Variants in RUNX1 observed in about 807,000 individuals in gnomAD.
RUNX1 encodes runt-related transcription factor 1.
A neutral mutation model predicts 42.8 loss-of-function variants in RUNX1; 19 were observed. The observed-to-expected ratio is 0.44, with a 90% CI of 0.31 to 0.65. The LOEUF (loss-of-function observed/expected upper bound fraction) is 0.65. RUNX1 is among the 30% of genes least tolerant of loss of function. The pLI is 0.07. For missense variants in RUNX1, 528 were observed against 672.0 expected, an observed-to-expected ratio of 0.79 and a Z score of 2.37; for synonymous variants, 271 against 289.4, an observed-to-expected ratio of 0.94 and a Z score of 0.64.
At chr21:34,922,285 G>C (rs1313815961) in intron 2 of RUNX1, among the ~76,000 whole-genome samples, 5 of 152,170 alleles carry the variant, frequency 3.3e-5, no homozygotes, top group Non-Finnish European at 1.5e-5. Flanking sequence ...TTTGGTAGCG[G>C]TGGAGAGACC....
chr21:35,026,384 T>A (rs1156930470), intron 2 of RUNX1, among the ~76,000 whole-genome samples: 1 of 152,204 alleles, frequency 6.6e-6, no homozygotes, highest in African/African-American at 2.4e-5. Flanking sequence ...TGATAATTAG[T>A]TATTCACCGC....
intron 4 of RUNX1, among the ~76,000 whole-genome samples, chr21:34,881,138 A>G (rs1303617638): frequency 1.3e-5 from 2 of 152,196 alleles, no homozygotes; most frequent in African/African-American, 4.8e-5. Context: ...CCTGAATACA[A>G]GCATCTCTTC....
At chr21:34,896,846 T>A (rs2058134735) in intron 2 of RUNX1, among the ~76,000 whole-genome samples, 1 of 152,122 alleles carries the variant, frequency 6.6e-6, no homozygotes, top group African/African-American at 2.4e-5. Context: ...GAGCTTCAGT[T>A]GAGTGGCAGC....
At chr21:34,945,830 C>T (rs1420275028) in intron 2 of RUNX1, among the ~76,000 whole-genome samples, 2 of 152,154 alleles carry the variant, frequency 1.3e-5, no homozygotes, top group African/African-American at 4.8e-5. Flanking sequence ...TGTGAACTAT[C>T]GAAGCTCTTT....
At chr21:34,942,614 G>T (rs2058535950) in intron 2 of RUNX1, among the ~76,000 whole-genome samples, 1 of 152,228 alleles carries the variant, frequency 6.6e-6, no homozygotes, top group South Asian at 2.1e-4. Flanking sequence ...GTGAATATGA[G>T]TGATCCTTTG....
rs575491143 is a variant in RUNX1, at chr21:34,933,356, C to T, written c.59-40393G>A. 2.6e-5 allele frequency among the ~76,000 whole-genome samples: 4 copies of T among 152,318 alleles called. No individual in the cohort carries two copies. The East Asian group carries it at 7.7e-4, about 29-fold the overall frequency. ...ATGTCTACATAACTAGGTCAAATTA[C>T]ATCCAGAGCTAGGCTGTGTTGCTCT... On this transcript the variant is annotated intron_variant, in intron 2 of 8. Coordinates refer to ENST00000675419, the MANE Select transcript of RUNX1 (RefSeq NM_001754.5).
chr21:34,886,780 G>C lies in RUNX1; in HGVS notation c.351+63C>G, dbSNP rs1370265400. ...CCCCGCCCGCCTGGCCGCTGCCCTCGCGGATCTCCCCCGGCCTCGCCGGCC... is the reference window on the plus strand; with the variant it reads ...CCCCGCCCGCCTGGCCGCTGCCCTCCCGGATCTCCCCCGGCCTCGCCGGCC... On this transcript the variant is annotated intron_variant, in intron 4 of 8. Coordinates refer to ENST00000675419, the MANE Select transcript of RUNX1 (RefSeq NM_001754.5). The C allele has an allele frequency of 1.9e-6, 3 of 1,608,772 alleles. No homozygotes were observed. In the African/African-American group the frequency reaches 4.0e-5, roughly 22 times the overall value.
intron 7 of RUNX1, among the ~76,000 whole-genome samples, chr21:34,801,693 G>A (rs1215804137): frequency 6.6e-6 from 1 of 152,294 alleles, no homozygotes; most frequent in Non-Finnish European, 1.5e-5. Flanking sequence ...CATTGCCAGT[G>A]GTGGGCCAGA....
At position 34,859,454 on chromosome 21, in the gene RUNX1, C is replaced by T. The variant is rs746204122; in HGVS notation, c.613+20G>A. ...TGTACCAGCCTGGAGGGTGTACCAG[C>T]CCCAAGTGGATGCACTTACTTCGAG... is the stretch of plus-strand genomic sequence containing the variant. On this transcript the variant is annotated intron_variant, in intron 6 of 8. Transcript: ENST00000675419. 6.5e-7 allele frequency: 1 copy of T among 1,540,762 alleles called. No homozygotes were observed. Among genetic ancestry groups the T allele is most frequent in the African/African-American group, 1.4e-5 (1 of 73,358 alleles).
intron 7 of RUNX1, among the ~76,000 whole-genome samples, chr21:34,808,658 C>G (rs2056716755): frequency 6.6e-6 from 1 of 152,140 alleles, no homozygotes; most frequent in Non-Finnish European, 1.5e-5. Flanking sequence ...GCTTTGAGAT[C>G]CACAGATGAA....
chr21:34,796,957 G>A (rs1338786104), intron 8 of RUNX1, among the ~76,000 whole-genome samples: 1 of 152,250 alleles, frequency 6.6e-6, no homozygotes, highest in Non-Finnish European at 1.5e-5. Flanking sequence ...AAGAGGGGCA[G>A]AGCACAAAGC....
intron 2 of RUNX1, among the ~76,000 whole-genome samples, chr21:34,981,723 C>T (rs114551947): frequency 0.011 from 1,694 of 152,198 alleles, 37 homozygotes; most frequent in African/African-American, 0.039. Flanking sequence ...ATCCATTTTG[C>T]TTGATTATTC....
intron 2 of RUNX1, among the ~76,000 whole-genome samples, chr21:34,962,847 A>G (rs1471039392): frequency 1.3e-5 from 2 of 152,202 alleles, no homozygotes; most frequent in African/African-American, 2.4e-5. Context: ...CACTGTCCTG[A>G]CAACCTTGGT....
At chr21:34,945,421 C>T (rs2058557154) in intron 2 of RUNX1, among the ~76,000 whole-genome samples, 1 of 152,188 alleles carries the variant, frequency 6.6e-6, no homozygotes, top group Non-Finnish European at 1.5e-5. Flanking sequence ...TTTTCCCCTA[C>T]CAACTCCTCC....
intron 5 of RUNX1, among the ~76,000 whole-genome samples, chr21:34,878,368 T>C (rs2057847592): frequency 1.3e-5 from 2 of 149,324 alleles, no homozygotes; most frequent in South Asian, 2.1e-4. Context: ...AAAATATATA[T>C]ATATATATAC....
intron 6 of RUNX1, among the ~76,000 whole-genome samples, chr21:34,858,328 G>C (rs1006794721): frequency 6.6e-6 from 1 of 152,154 alleles, no homozygotes; most frequent in Non-Finnish European, 1.5e-5. Flanking sequence ...GAGGGGACTG[G>C]AGCAGTAGCC....
intron 2 of RUNX1, among the ~76,000 whole-genome samples, chr21:34,977,307 T>C (rs998024819): frequency 6.6e-6 from 1 of 152,236 alleles, no homozygotes; most frequent in Non-Finnish European, 1.5e-5. Context: ...AATATAATAA[T>C]AATTGGTGAA....
At chr21:34,808,591 G>C (rs985197724) in intron 7 of RUNX1, among the ~76,000 whole-genome samples, 1 of 152,136 alleles carries the variant, frequency 6.6e-6, no homozygotes, top group African/African-American at 2.4e-5. Flanking sequence ...CTAAAAATGG[G>C]GGTAACCAGG....
At chr21:34,794,960 C>T (rs952904353) in intron 8 of RUNX1, among the ~76,000 whole-genome samples, 1 of 152,132 alleles carries the variant, frequency 6.6e-6, no homozygotes, top group African/African-American at 2.4e-5. Flanking sequence ...CAGCTGAGAA[C>T]CACCACTGCA....
Sources: allele counts gnomAD v4.1 joint callset (sites outside exome capture counted in the v4.1 genomes callset), GRCh38; gene constraint gnomAD v4.1.1; transcripts MANE v1.5; gene names NCBI Gene and HGNC (gene_info 2026-07-23, HGNC 2026-07-21).